IL5RA: variants seen among roughly 807,000 people sequenced by gnomAD.
IL5RA encodes the protein interleukin 5 receptor subunit alpha.
In IL5RA, 49 loss-of-function variants were observed where a neutral mutation model predicts 50.0. The observed-to-expected ratio is 0.98, with a 90% confidence interval of 0.78 to 1.24. IL5RA has a LOEUF of 1.24. IL5RA is among the 50% of genes most tolerant of loss of function. IL5RA has a pLI of 0.00. For synonymous variants in IL5RA, 202 were observed against 174.0 expected, an observed-to-expected ratio of 1.16 and a Z score of -1.26; for missense variants, 600 against 500.4, an observed-to-expected ratio of 1.20 and a Z score of -1.90.
At chr3:3,101,903 G>T in intron 4 of IL5RA, 73 bp from the exon 5 acceptor site, 1 of 1,334,862 alleles carries the variant, frequency 7.5e-7, no homozygotes. Context: ...AATCAAATAT[G>T]CATTTTCTTC....
intron 9 of IL5RA, among the ~76,000 whole-genome samples, chr3:3,081,938 CA>C (rs934314974): frequency 1.3e-4 from 20 of 152,310 alleles, no homozygotes; most frequent in African/African-American, 4.8e-4. Context: ...CCCCTGAAAA[CA>C]CAACCAAGGT....
chr3:3,077,717 G>A (rs567580086), intron 9 of IL5RA, among the ~76,000 whole-genome samples: 3 of 152,182 alleles, frequency 2.0e-5, no homozygotes, highest in South Asian at 2.1e-4. Context: ...GCAGTGAGCC[G>A]AGATTGCACC....
intron 3 of IL5RA, among the ~76,000 whole-genome samples, chr3:3,104,405 G>A (rs1462017872): frequency 1.3e-5 from 2 of 152,192 alleles, no homozygotes; most frequent in Non-Finnish European, 2.9e-5. Context: ...AGTCACATAT[G>A]GCTAGTGGCT....
intron 9 of IL5RA, among the ~76,000 whole-genome samples, chr3:3,083,040 C>A (rs1397576599): frequency 2.0e-5 from 3 of 152,164 alleles, no homozygotes; most frequent in Non-Finnish European, 4.4e-5. Flanking sequence ...CAAATGGCAC[C>A]AACAGGGTTG....
At chr3:3,086,689 A>C (rs907750508) in intron 9 of IL5RA, among the ~76,000 whole-genome samples, 3 of 152,138 alleles carry the variant, frequency 2.0e-5, no homozygotes, top group Admixed American at 6.6e-5. Context: ...ATTCTGAATC[A>C]AATTGTAGGC....
chr3:3,067,661 G>T lies in IL5RA; in HGVS notation c.*2564C>A, dbSNP rs1702168225. On this transcript the variant is annotated 3_prime_UTR_variant, in exon 12 of 12. Coordinates refer to ENST00000446632, the MANE Select transcript of IL5RA (RefSeq NM_175726.4). The stretch of plus-strand genomic sequence containing the variant: ...GGTTCCCAAAGAATGACTATGAGTT[G>T]CACAGGGCAAGAAGGGAGGAAGGAG... 1 of 152,290 alleles carries T rather than the reference G, an allele frequency of 6.6e-6. No individual in the cohort carries two copies. The highest frequency in any genetic ancestry group is 2.4e-5 in the African/African-American group (1 of 41,440). The allele number at this position is 152,290 out of a possible 1,614,324, so 9.4% of individuals were successfully genotyped here. A position where few individuals can be genotyped will look rare whatever the true frequency, so the allele number is the denominator to read the frequency against.
At chr3:3,081,434 G>C (rs998650780) in intron 9 of IL5RA, among the ~76,000 whole-genome samples, 1 of 152,136 alleles carries the variant, frequency 6.6e-6, no homozygotes, top group Non-Finnish European at 1.5e-5. Flanking sequence ...TGCAAATTCA[G>C]CAAGTGGTAC....
Position 3,074,661 on chromosome 3 carries a change from G to T in IL5RA, c.1176+121C>A. The T allele has an allele frequency of 8.4e-6, 5 of 597,504 alleles. No individual in the cohort carries two copies. The South Asian group carries it at 1.1e-4, about 13-fold the overall frequency. The allele number at this position is 597,504 out of a possible 1,614,324, so 37.0% of individuals were successfully genotyped here. A position where few individuals can be genotyped will look rare whatever the true frequency, so the allele number is the denominator to read the frequency against. The stretch of plus-strand genomic sequence containing the variant: ...ACAGAATGACTGAAGCAACAGAAAT[G>T]CTCCTGGCCTTCTGAGTAAAAACCC... On this transcript the variant is annotated intron_variant, in intron 11 of 11. Transcript: ENST00000446632.
intron 11 of IL5RA, chr3:3,073,674 G>A: frequency 3.1e-6 from 1 of 326,464 alleles, no homozygotes; most frequent in South Asian, 2.5e-5. Flanking sequence ...CTAAATAAAT[G>A]GAGTGATATG....
At position 3,070,069 on chromosome 3, in the gene IL5RA, GA is replaced by G; in HGVS notation, c.*155del. The G allele has an allele frequency of 1.7e-6, 1 of 596,856 alleles. No individual in the cohort carries two copies. Among genetic ancestry groups the G allele is most frequent in the South Asian group, 2.4e-5 (1 of 41,472 alleles). 37.0% of individuals were successfully genotyped at this position (596,856 alleles called of 1,614,324 possible). On this transcript the variant is annotated 3_prime_UTR_variant, in exon 12 of 12. Coordinates refer to ENST00000446632, the MANE Select transcript of IL5RA (RefSeq NM_175726.4). ...TTGGATGAAGCATCCATACTTTTAAGAGATACAAGACTGGTGTGTCTGGGTG... is the reference window on the plus strand; with the variant it reads ...TTGGATGAAGCATCCATACTTTTAAGGATACAAGACTGGTGTGTCTGGGTG...
chr3:3,072,691 C>T (rs1702342819), intron 11 of IL5RA, among the ~76,000 whole-genome samples: 1 of 152,142 alleles, frequency 6.6e-6, no homozygotes, highest in Admixed American at 6.5e-5. Context: ...AAGGCTGGAT[C>T]ACTTGAGGTC....
intron 11 of IL5RA, among the ~76,000 whole-genome samples, chr3:3,074,432 G>A (rs1436177062): frequency 6.6e-6 from 1 of 152,166 alleles, no homozygotes; most frequent in African/African-American, 2.4e-5. Flanking sequence ...TTATAACTCA[G>A]TACCTTTCCA....
At chr3:3,084,073 G>A (rs932324323) in intron 9 of IL5RA, among the ~76,000 whole-genome samples, 3 of 132,566 alleles carry the variant, frequency 2.3e-5, no homozygotes, top group African/African-American at 8.3e-5. Flanking sequence ...AAAAAAAAAA[G>A]GTTTAGTCCT....
chr3:3,097,139 G>T (rs1161125499), intron 7 of IL5RA, among the ~76,000 whole-genome samples: 2 of 152,164 alleles, frequency 1.3e-5, no homozygotes, highest in Non-Finnish European at 2.9e-5. Context: ...TTCACTAATA[G>T]AACTATCTGG....
intron 9 of IL5RA, among the ~76,000 whole-genome samples, chr3:3,079,809 A>G (rs1702603201): frequency 6.6e-6 from 1 of 152,172 alleles, no homozygotes; most frequent in Non-Finnish European, 1.5e-5. Context: ...GCCCACAGGC[A>G]GATCACTTGA....
rs1559856794 is a variant in IL5RA, at chr3:3,068,614, A to AAAAAAAAAAAG, written c.*1610_*1611insCTTTTTTTTTT. 1 of 135,618 alleles carries AAAAAAAAAAAG rather than the reference A, an allele frequency of 7.4e-6. No homozygotes were observed. The highest frequency in any genetic ancestry group is 2.7e-5 in the African/African-American group (1 of 37,014). The allele number at this position is 135,618 out of a possible 1,614,324, so 8.4% of individuals were successfully genotyped here. ...AAAAAAAAAAAAAAAAAAAACAAAA[A>AAAAAAAAAAAG]CAGGTTTGAGATTATGAATCATTTG... is the stretch of plus-strand genomic sequence containing the variant. On this transcript the variant is annotated 3_prime_UTR_variant, in exon 12 of 12. Coordinates refer to ENST00000446632, the MANE Select transcript of IL5RA (RefSeq NM_175726.4).
At chr3:3,082,706 G>T (rs1171684559) in intron 9 of IL5RA, among the ~76,000 whole-genome samples, 1 of 152,182 alleles carries the variant, frequency 6.6e-6, no homozygotes, top group Non-Finnish European at 1.5e-5. Flanking sequence ...TGCAAGTATT[G>T]GACCCAAACT....
At chr3:3,105,359 C>G (rs1351745755) in intron 2 of IL5RA, 1 of 156,988 alleles carries the variant, frequency 6.4e-6, no homozygotes, top group Non-Finnish European at 1.4e-5. Flanking sequence ...ATGTGCAAAG[C>G]TGGAAGAGAA....
chr3:3,093,899 T>A (rs2125975161), intron 8 of IL5RA, among the ~76,000 whole-genome samples: 1 of 152,362 alleles, frequency 6.6e-6, no homozygotes, highest in South Asian at 2.1e-4. Flanking sequence ...CCTATTTTTT[T>A]TCCTAGCTTT....
Sources: gnomAD v4.1 joint callset for allele counts (sites outside exome capture counted in the v4.1 genomes callset) on GRCh38, gnomAD v4.1.1 for gene constraint, MANE v1.5 for transcripts, NCBI Gene and HGNC (gene_info 2026-07-23, HGNC 2026-07-21) for gene names.